Variants in WASHC4 observed in about 807,000 individuals in gnomAD.
WASHC4 encodes the protein WASH complex subunit 7.
Under a neutral mutation model 166.6 loss-of-function variants are expected in WASHC4, and 86 were observed. The observed-to-expected ratio is 0.52, with a 90% CI of 0.43 to 0.62. WASHC4 has a LOEUF of 0.62. Among genes scored for constraint, WASHC4 ranks in the 20% least tolerant of loss-of-function variants. WASHC4 has a pLI of 0.00. For synonymous variants in WASHC4, 446 were observed against 451.6 expected, an observed-to-expected ratio of 0.99 and a Z score of 0.16; for missense variants, 1,262 against 1,382.4, an observed-to-expected ratio of 0.91 and a Z score of 1.38.
At chr12:105,111,843 C>T (rs1336800741) in intron 2 of WASHC4, among the ~76,000 whole-genome samples, 2 of 152,082 alleles carry the variant, frequency 1.3e-5, no homozygotes, top group Non-Finnish European at 2.9e-5. Flanking sequence ...TTGTGTATTA[C>T]ACACTGTCCT....
intron 26 of WASHC4, among the ~76,000 whole-genome samples, chr12:105,156,178 A>G (rs1399249718): frequency 6.6e-6 from 1 of 152,204 alleles, no homozygotes; most frequent in Non-Finnish European, 1.5e-5. Flanking sequence ...AAAGGATAGA[A>G]TTGCCAGTTT....
At chr12:105,139,289 T>C (rs907235327) in intron 15 of WASHC4, among the ~76,000 whole-genome samples, 1 of 151,810 alleles carries the variant, frequency 6.6e-6, no homozygotes, top group African/African-American at 2.4e-5. Flanking sequence ...ATGTGTTTCT[T>C]GGTGTACTTG....
At position 105,114,343 on chromosome 12, in the gene WASHC4, T is replaced by C. The variant is rs773748924; in HGVS notation, c.256-19T>C. 1.3e-6 allele frequency: 2 copies of C among 1,598,516 alleles called. No individual in the cohort carries two copies. The highest frequency in any genetic ancestry group is 3.4e-5 in the Admixed American group (2 of 59,200). On this transcript the variant is annotated intron_variant, in intron 3 of 32. Coordinates refer to ENST00000332180, the MANE Select transcript of WASHC4 (RefSeq NM_015275.3). Reference sequence around the variant, plus strand: ...CTGTAACAATTTACTTTTTATTTTGTTTTTACTCATGAAACTAGGTCTTAA... The same window carrying C: ...CTGTAACAATTTACTTTTTATTTTGCTTTTACTCATGAAACTAGGTCTTAA...
chr12:105,164,950 G>A (rs532551191), intron 32 of WASHC4, among the ~76,000 whole-genome samples: 2 of 152,274 alleles, frequency 1.3e-5, no homozygotes. Flanking sequence ...TTCACACTTG[G>A]TAACCCTTTA....
chr12:105,132,786 TAGTG>T lies in WASHC4; in HGVS notation c.1200-983_1200-980del, dbSNP rs1351595546. ...AAGTTAATGTGAGGGGTGAAAGAGG[TAGTG>T]TGTGTGTGTGTGTGTGTGTGTGTGT... On this transcript the variant is annotated intron_variant, in intron 13 of 32. Transcript: ENST00000332180. Among the ~76,000 whole-genome samples the T allele has an allele frequency of 3.0e-3, 251 of 82,506 alleles. 5 individuals are homozygous for T. In the East Asian group the frequency reaches 0.068, roughly 22 times the overall value. 54.1% of individuals were successfully genotyped at this position (82,506 alleles called of 152,430 possible). A position where few individuals can be genotyped will look rare whatever the true frequency, so the allele number is the denominator to read the frequency against.
chr12:105,162,384 C>T lies in WASHC4; in HGVS notation c.3061-365C>T, dbSNP rs116941833. Among the ~76,000 whole-genome samples, 71 of 152,298 alleles carry T rather than the reference C, an allele frequency of 4.7e-4. No individual in the cohort carries two copies. In the East Asian group the frequency reaches 6.7e-3, roughly 14 times the overall value. On this transcript the variant is annotated intron_variant, in intron 29 of 32. Transcript: ENST00000332180. ...GGCCTACTTTGCTAACTCCAGCATT[C>T]ACTTAATATATGACTTTGGGTGAGA...
intron 7 of WASHC4, among the ~76,000 whole-genome samples, chr12:105,119,490 C>T (rs1165111173): frequency 6.6e-6 from 1 of 152,190 alleles, no homozygotes; most frequent in Non-Finnish European, 1.5e-5. Context: ...ATTGTTCTTA[C>T]TATACCATGC....
chr12:105,111,104 T>C, intron 1 of WASHC4, 21 bp from the exon 2 acceptor site: 1 of 1,575,330 alleles, frequency 6.3e-7, no homozygotes, highest in Non-Finnish European at 8.7e-7. Flanking sequence ...TATCACATAC[T>C]GTTTTAAAAT....
chr12:105,110,637 C>A (rs1879593723), intron 1 of WASHC4, among the ~76,000 whole-genome samples: 1 of 152,054 alleles, frequency 6.6e-6, no homozygotes, highest in South Asian at 2.1e-4. Context: ...TATAAAACCT[C>A]CATTTAAAAA....
intron 31 of WASHC4, 75 bp from the exon 32 acceptor site, chr12:105,164,566 A>AATT: frequency 5.7e-6 from 6 of 1,058,410 alleles, no homozygotes; most frequent in Non-Finnish European, 8.6e-6. Flanking sequence ...AAGAGGCATA[A>AATT]AAATGCATAT....
Position 105,114,544 on chromosome 12 carries a change from T to C in WASHC4, c.321+117T>C, listed in dbSNP as rs138308138. On this transcript the variant is annotated intron_variant, in intron 4 of 32. Transcript: ENST00000332180. ...TTGAATGTTGAATGAATTATTTATT[T>C]AACGTAATACTAATACGGACTACCA... 6.9e-3 allele frequency: 5,200 copies of C among 757,906 alleles called. 258 individuals carry two copies. The Admixed American group carries it at 0.095, about 14-fold the overall frequency. The allele number at this position is 757,906 out of a possible 1,614,324, so 46.9% of individuals were successfully genotyped here.
At chr12:105,142,009 G>A (rs1882901179) in intron 18 of WASHC4, among the ~76,000 whole-genome samples, 2 of 75,322 alleles carry the variant, frequency 2.7e-5, no homozygotes, top group Non-Finnish European at 5.2e-5. Context: ...TGGGGCGGGG[G>A]GGGTCACAAT....
chr12:105,143,239 A>G lies in WASHC4; in HGVS notation c.2006A>G (p.Asn669Ser). Residue 669 changes from asparagine to serine, a missense_variant, in exon 20 of 33, where the codon AAT becomes AGT. Transcript: ENST00000332180. ...GACAAGGAAATTATGGAAATTTTAA[A>G]TGAGGTAACATCATATTTGAGATTG... ...CYDKEIMEIL[N>S]EHLLDKLCKE... 2 of 1,454,644 alleles carry G rather than the reference A, an allele frequency of 1.4e-6. No individual in the cohort carries two copies. Among genetic ancestry groups the G allele is most frequent in the East Asian group, 2.3e-5 (1 of 44,042 alleles). 90.1% of individuals were successfully genotyped at this position (1,454,644 alleles called of 1,614,324 possible). A position where few individuals can be genotyped will look rare whatever the true frequency, so the allele number is the denominator to read the frequency against.
In WASHC4 at chr12:105,167,330, C is replaced by A; in HGVS notation, c.*399C>A. On this transcript the variant is annotated 3_prime_UTR_variant, in exon 33 of 33. Coordinates refer to ENST00000332180, the MANE Select transcript of WASHC4 (RefSeq NM_015275.3). ...AATTCAATGCATATACTATATACAGCCAGTAAATACATGCTTAACAAAAGG... is the reference window on the plus strand; with the variant it reads ...AATTCAATGCATATACTATATACAGACAGTAAATACATGCTTAACAAAAGG... 5.4e-6 allele frequency: 1 copy of A among 184,508 alleles called. No homozygotes were observed. 11.4% of individuals were successfully genotyped at this position (184,508 alleles called of 1,614,324 possible). A position where few individuals can be genotyped will look rare whatever the true frequency, so the allele number is the denominator to read the frequency against.
At chr12:105,130,792 ATT>A (rs1174284047) in intron 13 of WASHC4, among the ~76,000 whole-genome samples, 1 of 152,146 alleles carries the variant, frequency 6.6e-6, no homozygotes, top group East Asian at 1.9e-4. Flanking sequence ...GGATTTTTGC[ATT>A]TTGCTTTTGA....
intron 26 of WASHC4, among the ~76,000 whole-genome samples, chr12:105,156,256 A>G (rs945167540): frequency 3.9e-5 from 6 of 152,202 alleles, no homozygotes; most frequent in Non-Finnish European, 7.4e-5. Flanking sequence ...TAAAATTCTT[A>G]TTAGACATAA....
At chr12:105,138,261 G>C (rs1479425645) in intron 15 of WASHC4, among the ~76,000 whole-genome samples, 2 of 150,486 alleles carry the variant, frequency 1.3e-5, no homozygotes, top group African/African-American at 4.9e-5. Flanking sequence ...AAAAAAAAAA[G>C]TTAATGTAGT....
intron 25 of WASHC4, among the ~76,000 whole-genome samples, chr12:105,152,074 G>T (rs917289430): frequency 6.6e-6 from 1 of 152,094 alleles, no homozygotes; most frequent in Non-Finnish European, 1.5e-5. Flanking sequence ...TCTTTTTTCT[G>T]TTAGAGTTGT....
At chr12:105,147,496 A>G (rs1393304205) in intron 24 of WASHC4, 1 of 586,562 alleles carries the variant, frequency 1.7e-6, no homozygotes, top group South Asian at 4.6e-5. Context: ...TTGAAAGTCA[A>G]CAATAGATAG....
Sources: gnomAD v4.1 joint callset for allele counts (sites outside exome capture counted in the v4.1 genomes callset) on GRCh38, gnomAD v4.1.1 for gene constraint, MANE v1.5 for transcripts, NCBI Gene and HGNC (gene_info 2026-07-23, HGNC 2026-07-21) for gene names.